Variants in TET3 observed in about 807,000 individuals in gnomAD.
The protein encoded by TET3 is tet methylcytosine dioxygenase 3, also known as methylcytosine dioxygenase TET3.
In TET3, 19 loss-of-function variants were observed where a neutral mutation model predicts 141.4. The ratio of observed to expected loss-of-function variants is 0.13; its 90% CI spans 0.09 to 0.20. The LOEUF is 0.20. TET3 is among the 10% of genes least tolerant of loss of function. The pLI is 1.00. For missense variants in TET3, 1,874 were observed against 2,356.9 expected (o/e 0.80, Z 4.24); for synonymous variants, 1,043 against 980.9 (o/e 1.06, Z -1.18).
chr2:74,132,225 A>AC, the TET3 span, among the ~76,000 whole-genome samples: 3 of 151,992 alleles, frequency 2.0e-5, no homozygotes, highest in East Asian at 1.9e-4. Flanking sequence ...TGCCCCCTGG[A>AC]CCCCACCTGG....
At position 74,047,465 on chromosome 2, in the gene TET3, G is replaced by A. The variant is rs192465050; in HGVS notation, c.1548G>A (p.Ser516=). Residue 516 remains serine, a synonymous_variant, in exon 4 of 12, where the codon TCG becomes TCA. Coordinates refer to ENST00000409262, the MANE Select transcript of TET3 (RefSeq NM_001287491.2). ...VLQREAPTPS[S]EPDTHQKAQT... Reference sequence around the variant, plus strand: ...AGAGGGAGGCTCCCACGCCATCCTCGGAGCCCGACACCCACCAGAAGGCCC... The same window carrying A: ...AGAGGGAGGCTCCCACGCCATCCTCAGAGCCCGACACCCACCAGAAGGCCC... 217 of 1,612,404 alleles carry A rather than the reference G, an allele frequency of 1.3e-4. 1 individual carries two copies. The East Asian group carries it at 2.5e-3, about 19-fold the overall frequency.
Position 74,048,332 on chromosome 2 carries a change from CCTGGACACACCCACCAAGAGTCTG to C in TET3, c.2427_2450del (p.Thr810_Pro817del). The stretch of plus-strand genomic sequence containing the variant: ...GCTTCTTGGAGTCACCTCTTAAGTA[CCTGGACACACCCACCAAGAGTCTG>C]CTGGACACACCTGCCAAGAGAGCCC... On this transcript the variant is annotated inframe_deletion, in exon 4 of 12. Coordinates refer to ENST00000409262, the MANE Select transcript of TET3 (RefSeq NM_001287491.2). 1 of 1,613,898 alleles carries C rather than the reference CCTGGACACACCCACCAAGAGTCTG, an allele frequency of 6.2e-7. No homozygotes were observed. Among genetic ancestry groups the C allele is most frequent in the Non-Finnish European group, 8.5e-7 (1 of 1,179,872 alleles).
chr2:74,028,380 C>T (rs1686495909), intron 3 of TET3, among the ~76,000 whole-genome samples: 1 of 151,528 alleles, frequency 6.6e-6, no homozygotes, highest in South Asian at 2.1e-4. Flanking sequence ...GGTCTCATAT[C>T]TGAGAAAGTT....
chr2:74,098,594 C>CTTTTTTT (rs201277726), intron 10 of TET3, among the ~76,000 whole-genome samples: 1 of 130,578 alleles, frequency 7.7e-6, no homozygotes, highest in Non-Finnish European at 1.5e-5. Context: ...AAAAAGGAAA[C>CTTTTTTT]TCTTTTTTTT....
chr2:74,068,841 G>T (rs1018862550), intron 4 of TET3, among the ~76,000 whole-genome samples: 1 of 152,124 alleles, frequency 6.6e-6, no homozygotes, highest in Non-Finnish European at 1.5e-5. Context: ...AGAACCATTG[G>T]TATCTTTTTT....
intron 3 of TET3, among the ~76,000 whole-genome samples, chr2:74,045,159 G>A (rs150619618): frequency 2.6e-5 from 4 of 152,182 alleles, no homozygotes; most frequent in African/African-American, 7.2e-5. Flanking sequence ...TAAGTCATCC[G>A]CAATGTCTTA....
At chr2:74,086,706 G>A (rs1690177535) in intron 6 of TET3, among the ~76,000 whole-genome samples, 1 of 148,206 alleles carries the variant, frequency 6.7e-6, no homozygotes, top group South Asian at 2.1e-4. Flanking sequence ...TGGGAGGATC[G>A]CTTAAGCCCA....
At chr2:74,054,100 G>A (rs543927345) in intron 4 of TET3, among the ~76,000 whole-genome samples, 9 of 152,284 alleles carry the variant, frequency 5.9e-5, no homozygotes, top group East Asian at 5.8e-4. Context: ...CGGAAGATGA[G>A]AGAACATGGG....
intron 3 of TET3, among the ~76,000 whole-genome samples, chr2:74,033,070 C>CA (rs963543541): frequency 2.0e-5 from 3 of 152,218 alleles, no homozygotes; most frequent in African/African-American, 7.2e-5. Context: ...AGAAATAGCA[C>CA]AAAAAATACC....
chr2:74,072,999 G>T (rs1018421073), intron 4 of TET3, among the ~76,000 whole-genome samples: 23 of 152,348 alleles, frequency 1.5e-4, no homozygotes, highest in African/African-American at 5.0e-4. Context: ...ACCTGCTGAT[G>T]GATGATTATG....
Position 74,093,149 on chromosome 2 carries a change from C to G in TET3, c.3129+158C>G, listed in dbSNP as rs1229759370. Among the ~76,000 whole-genome samples the G allele has an allele frequency of 2.6e-5, 4 of 152,140 alleles. No homozygotes were observed. The East Asian group carries it at 7.7e-4, about 29-fold the overall frequency. On this transcript the variant is annotated intron_variant, in intron 9 of 11. Coordinates refer to ENST00000409262, the MANE Select transcript of TET3 (RefSeq NM_001287491.2). This position sits in a 1 kb window ranked among gnomAD's most constrained non-coding sequence, Gnocchi z 4.2. ...ATGATGTGGTTCTTTGATAAAAACC[C>G]CTTTTTTACACCAGGCTACCTGCAT...
At chr2:74,132,875 GCT>G in the TET3 span, among the ~76,000 whole-genome samples, 2 of 151,882 alleles carry the variant, frequency 1.3e-5, no homozygotes, top group South Asian at 2.1e-4. Context: ...CTGCAATTTG[GCT>G]CTTTTTCTTT....
chr2:73,998,755 C>G (rs1684712063), intron 2 of TET3, among the ~76,000 whole-genome samples: 1 of 151,948 alleles, frequency 6.6e-6, no homozygotes, highest in African/African-American at 2.4e-5. Flanking sequence ...TGCGTGGACA[C>G]CGGGGACTTC....
intron 3 of TET3, among the ~76,000 whole-genome samples, chr2:74,011,939 A>G (rs1685456894): frequency 6.6e-6 from 1 of 151,198 alleles, no homozygotes; most frequent in Non-Finnish European, 1.5e-5. Context: ...TTCACAGTCC[A>G]GTTAGTCATT....
rs201376041 is a variant in TET3 at position 74,047,905 on chromosome 2, C to A, written c.1988C>A (p.Ser663Tyr). The A allele has an allele frequency of 1.2e-6, 2 of 1,613,642 alleles. No individual in the cohort carries two copies. Among genetic ancestry groups the A allele is most frequent in the African/African-American group, 2.7e-5 (2 of 75,024 alleles). ...GCTGTGCCCCTGCCCCCAGAACCTT[C>A]TCTTGCGCTATTTGCACCTAGTCCC... is the stretch of plus-strand genomic sequence containing the variant. Reference protein sequence around the residue: ...GSAVPLPPEPSLALFAPSPSR... With the variant: ...GSAVPLPPEPYLALFAPSPSR... The change falls in exon 4 of 12, where the codon TCT becomes TAT. Residue 663 changes from serine (S) to tyrosine (Y), a missense_variant. Ser to Tyr is a moderately radical substitution (Grantham distance 144). Transcript: ENST00000409262.
chr2:74,006,886 C>CT (rs1455321727), intron 3 of TET3, among the ~76,000 whole-genome samples: 1 of 152,132 alleles, frequency 6.6e-6, no homozygotes, highest in Non-Finnish European at 1.5e-5. Flanking sequence ...ATTAGGAAGC[C>CT]TTTAGGCAAA....
In TET3 at chr2:74,105,982, AATGGTGCT is replaced by A. The variant is rs1415374773; in HGVS notation, c.*3813_*3820del. On this transcript the variant is annotated 3_prime_UTR_variant, in exon 12 of 12. Transcript: ENST00000409262. ...TTATGAATTGAAATAGTCTAAATAA[AATGGTGCT>A]ATGGTGTTTTAATGTGACTGTCCCT... 6.5e-6 allele frequency: 1 copy of A among 153,548 alleles called. No homozygotes were observed. Among genetic ancestry groups the A allele is most frequent in the Non-Finnish European group, 1.5e-5 (1 of 68,048 alleles). 9.5% of individuals were successfully genotyped at this position (153,548 alleles called of 1,614,324 possible).
intron 3 of TET3, among the ~76,000 whole-genome samples, chr2:74,026,939 C>T (rs935337056): frequency 2.6e-5 from 4 of 152,236 alleles, no homozygotes; most frequent in Non-Finnish European, 5.9e-5. Context: ...TCAAGAGTTG[C>T]CACCACTCCT....
chr2:73,990,088 C>T (rs975269695), intron 2 of TET3, among the ~76,000 whole-genome samples: 3 of 152,004 alleles, frequency 2.0e-5, no homozygotes, highest in Admixed American at 6.6e-5. Flanking sequence ...CATTAGTCTT[C>T]GAGCTGTAAA....
Sources: gnomAD v4.1 joint callset for allele counts (sites outside exome capture counted in the v4.1 genomes callset) on GRCh38, gnomAD v4.1.1 for gene constraint, Gnocchi (gnomAD v3.1) non-coding constraint, MANE v1.5 for transcripts, NCBI Gene and HGNC (gene_info 2026-07-23, HGNC 2026-07-21) for gene names.